Variants in FNIP1 observed in about 807,000 individuals in gnomAD.
FNIP1 encodes the protein folliculin interacting protein 1.
Under a neutral mutation model 124.5 loss-of-function variants are expected in FNIP1, and 40 were observed. The observed-to-expected ratio is 0.32, with a 90% CI of 0.25 to 0.42. The LOEUF is 0.42. FNIP1 is among the 10% of genes least tolerant of loss of function. The pLI is 1.00. For missense variants in FNIP1, 1,176 were observed against 1,403.7 expected (o/e 0.84, Z 2.59); for synonymous variants, 472 against 470.6 (o/e 1.00, Z -0.04).
chr5:131,726,378 C>T (rs573979286), intron 3 of FNIP1, among the ~76,000 whole-genome samples: 6 of 152,126 alleles, frequency 3.9e-5, no homozygotes, highest in East Asian at 1.9e-4. Context: ...TCAGAACTTG[C>T]TATTGGTCTA....
intron 11 of FNIP1, among the ~76,000 whole-genome samples, chr5:131,692,589 T>A (rs1768518624): frequency 1.3e-5 from 2 of 152,104 alleles, no homozygotes; most frequent in African/African-American, 4.8e-5. Flanking sequence ...AGACCCAGAA[T>A]AATCAACACA....
At chr5:131,786,706 G>A (rs180846451) in intron 1 of FNIP1, among the ~76,000 whole-genome samples, 2 of 152,170 alleles carry the variant, frequency 1.3e-5, no homozygotes, top group African/African-American at 2.4e-5. Flanking sequence ...TCATTATCTC[G>A]AGAGTGGGTT....
At chr5:131,756,887 C>A in intron 1 of FNIP1, among the ~76,000 whole-genome samples, 1 of 152,090 alleles carries the variant, frequency 6.6e-6, no homozygotes. Context: ...TATTTGGGGG[C>A]CCAGCTGAGT....
intron 15 of FNIP1, among the ~76,000 whole-genome samples, chr5:131,668,360 A>G (rs1767660210): frequency 6.6e-6 from 1 of 152,246 alleles, no homozygotes; most frequent in African/African-American, 2.4e-5. Flanking sequence ...ACATTTTGAA[A>G]TGAATGAAAC....
chr5:131,678,458 A>G (rs1767974391), intron 12 of FNIP1, among the ~76,000 whole-genome samples: 1 of 152,156 alleles, frequency 6.6e-6, no homozygotes, highest in South Asian at 2.1e-4. Flanking sequence ...CCCAGGCTAC[A>G]GTGCAGTGGC....
chr5:131,665,028 T>G, intron 15 of FNIP1, among the ~76,000 whole-genome samples: 1 of 151,960 alleles, frequency 6.6e-6, no homozygotes, highest in East Asian at 1.9e-4. Flanking sequence ...ATTTTATATA[T>G]AAGGCTTCAG....
At chr5:131,685,160 A>C (rs1004956066) in intron 11 of FNIP1, among the ~76,000 whole-genome samples, 6 of 152,188 alleles carry the variant, frequency 3.9e-5, no homozygotes, top group Non-Finnish European at 8.8e-5. Context: ...TGGGTGGTTG[A>C]GGCAAGAGGA....
intron 1 of FNIP1, among the ~76,000 whole-genome samples, chr5:131,774,317 T>G (rs1771733603): frequency 6.6e-6 from 1 of 152,220 alleles, no homozygotes; most frequent in South Asian, 2.1e-4. Context: ...CATGAGCCAC[T>G]GCGTCTGGCC....
In FNIP1 at chr5:131,694,320, T is replaced by G. The variant is rs1380449389; in HGVS notation, c.1202+4597A>C. Among the ~76,000 whole-genome samples, 3 of 152,188 alleles carry G rather than the reference T, an allele frequency of 2.0e-5. No homozygotes were observed. In the East Asian group the frequency reaches 5.8e-4, roughly 29 times the overall value. On this transcript the variant is annotated intron_variant, in intron 11 of 17. Transcript: ENST00000510461. ...ATCACCAAAAACTACAAGCAAGATATCTTTCGATAGGTGAATGAAAATGAA... is the reference window on the plus strand; with the variant it reads ...ATCACCAAAAACTACAAGCAAGATAGCTTTCGATAGGTGAATGAAAATGAA...
intron 3 of FNIP1, among the ~76,000 whole-genome samples, chr5:131,722,607 C>T (rs1769705139): frequency 6.6e-6 from 1 of 152,140 alleles, no homozygotes; most frequent in South Asian, 2.1e-4. Flanking sequence ...AGATAATCCA[C>T]GTTTAAATAT....
intron 11 of FNIP1, among the ~76,000 whole-genome samples, chr5:131,690,199 G>A (rs1383712584): frequency 1.3e-5 from 2 of 151,616 alleles, no homozygotes; most frequent in East Asian, 3.9e-4. Flanking sequence ...CTCCAGCCTG[G>A]GTGACAGAGC....
At chr5:131,721,473 G>T (rs1297700286) in intron 3 of FNIP1, among the ~76,000 whole-genome samples, 1 of 152,054 alleles carries the variant, frequency 6.6e-6, no homozygotes, top group East Asian at 1.9e-4. Context: ...TAAGAGGGTA[G>T]ATCTCATGTT....
At chr5:131,782,659 TTC>T (rs1389218189) in intron 1 of FNIP1, among the ~76,000 whole-genome samples, 7 of 152,098 alleles carry the variant, frequency 4.6e-5, no homozygotes, top group Non-Finnish European at 8.8e-5. Context: ...ATGGAAAGGA[TTC>T]ATCATTCCAG....
At chr5:131,769,957 C>T (rs1771572927) in intron 1 of FNIP1, among the ~76,000 whole-genome samples, 2 of 152,292 alleles carry the variant, frequency 1.3e-5, no homozygotes, top group South Asian at 4.1e-4. Context: ...GATGCTTTAA[C>T]TAAACAAGGT....
At chr5:131,779,521 A>G (rs1477271889) in intron 1 of FNIP1, among the ~76,000 whole-genome samples, 1 of 151,606 alleles carries the variant, frequency 6.6e-6, no homozygotes. Context: ...CTAGTTAAAA[A>G]AAAAAAAAAT....
chr5:131,739,157 T>C (rs1173412860), intron 2 of FNIP1, among the ~76,000 whole-genome samples: 1 of 152,124 alleles, frequency 6.6e-6, no homozygotes, highest in African/African-American at 2.4e-5. Flanking sequence ...AGGAACTCCC[T>C]CATTTTTTCT....
intron 1 of FNIP1, among the ~76,000 whole-genome samples, chr5:131,772,529 C>T (rs575869321): frequency 1.9e-3 from 296 of 152,110 alleles, no homozygotes; most frequent in African/African-American, 6.6e-3. Flanking sequence ...TTACCTGAAT[C>T]TCAGCCTACC....
At chr5:131,705,127 T>C (rs902333155) in intron 9 of FNIP1, among the ~76,000 whole-genome samples, 2 of 152,032 alleles carry the variant, frequency 1.3e-5, no homozygotes, top group Admixed American at 6.6e-5. Context: ...GCAAAGGACT[T>C]AAATAGACAT....
At chr5:131,791,666 G>C (rs1002524169) in intron 1 of FNIP1, among the ~76,000 whole-genome samples, 2 of 152,150 alleles carry the variant, frequency 1.3e-5, no homozygotes, top group African/African-American at 4.8e-5. Context: ...GTGGGGGAGG[G>C]CTGTTATAGA....
Sources: gnomAD v4.1 joint callset for allele counts (sites outside exome capture counted in the v4.1 genomes callset) on GRCh38, gnomAD v4.1.1 for gene constraint, MANE v1.5 for transcripts, NCBI Gene and HGNC (gene_info 2026-07-23, HGNC 2026-07-21) for gene names.